SLC10A7: variants seen among roughly 807,000 people sequenced by gnomAD.
SLC10A7 encodes sodium/bile acid cotransporter 7.
In SLC10A7, 29 loss-of-function variants were observed where a neutral mutation model predicts 43.2. That is an observed-to-expected ratio of 0.67 (90% CI 0.50 to 0.92). The LOEUF (loss-of-function observed/expected upper bound fraction) is 0.92. SLC10A7 is among the 40% of genes least tolerant of loss of function. SLC10A7 has a pLI of 0.00. For missense variants in SLC10A7, 295 were observed against 403.2 expected, an observed-to-expected ratio of 0.73 and a Z score of 2.30; for synonymous variants, 152 against 144.8, an observed-to-expected ratio of 1.05 and a Z score of -0.35.
chr4:146,350,057 G>C (rs370725676), intron 5 of SLC10A7, among the ~76,000 whole-genome samples: 11 of 152,032 alleles, frequency 7.2e-5, no homozygotes, highest in African/African-American at 1.9e-4. Flanking sequence ...AACAGCTCCC[G>C]TCTACAGCTC....
chr4:146,478,057 T>G (rs1734177444), intron 4 of SLC10A7: 1 of 152,176 alleles, frequency 6.6e-6, no homozygotes, highest in African/African-American at 2.4e-5. Flanking sequence ...AAATTTAAGG[T>G]TATTCCAACA....
chr4:146,510,462 T>G (rs893725654), intron 2 of SLC10A7, among the ~76,000 whole-genome samples: 1 of 152,078 alleles, frequency 6.6e-6, no homozygotes, highest in African/African-American at 2.4e-5. Flanking sequence ...GATTTCACCA[T>G]GTTGGGCAGA....
intron 3 of SLC10A7, among the ~76,000 whole-genome samples, chr4:146,509,682 C>T (rs1737269106): frequency 6.6e-6 from 1 of 152,136 alleles, no homozygotes; most frequent in African/African-American, 2.4e-5. Flanking sequence ...CAGAAAAGTG[C>T]TCGTCGTAAA....
At chr4:146,519,130 A>T in intron 1 of SLC10A7, among the ~76,000 whole-genome samples, 1 of 127,820 alleles carries the variant, frequency 7.8e-6, no homozygotes, top group Non-Finnish European at 1.6e-5. Flanking sequence ...TATATAATTA[A>T]TATATATTAT....
intron 5 of SLC10A7, among the ~76,000 whole-genome samples, chr4:146,331,893 A>G (rs1341226249): frequency 6.6e-6 from 1 of 152,200 alleles, no homozygotes; most frequent in Admixed American, 6.5e-5. Context: ...AACAAATTAT[A>G]AAGAGGTGGT....
chr4:146,303,419 C>T (rs1343924653), intron 7 of SLC10A7, among the ~76,000 whole-genome samples: 1 of 150,046 alleles, frequency 6.7e-6, no homozygotes, highest in Non-Finnish European at 1.5e-5. Flanking sequence ...GCTCTGTTGC[C>T]CAGGCTGGAG....
At chr4:146,444,857 C>T (rs1730905788) in intron 4 of SLC10A7, among the ~76,000 whole-genome samples, 1 of 152,106 alleles carries the variant, frequency 6.6e-6, no homozygotes, top group Non-Finnish European at 1.5e-5. Flanking sequence ...GACACTGAAA[C>T]CAAGGATCTT....
chr4:146,296,007 A>G (rs2111200577), intron 7 of SLC10A7, among the ~76,000 whole-genome samples: 1 of 152,268 alleles, frequency 6.6e-6, no homozygotes, highest in Admixed American at 6.5e-5. Flanking sequence ...CCATTTTAAA[A>G]CCCAAGACAA....
chr4:146,257,223 C>G (rs1334003847), intron 11 of SLC10A7, among the ~76,000 whole-genome samples: 3 of 152,036 alleles, frequency 2.0e-5, no homozygotes, highest in Non-Finnish European at 4.4e-5. Flanking sequence ...AGGGGATAAA[C>G]AGTAAAAGAA....
At chr4:146,442,713 C>A in intron 5 of SLC10A7, 70 bp downstream of exon 5, 1 of 1,573,778 alleles carries the variant, frequency 6.4e-7, no homozygotes, top group Non-Finnish European at 8.6e-7. Flanking sequence ...ATCCAGCTTT[C>A]ACTAAATCTT....
chr4:146,358,235 G>A (rs1247918192), intron 5 of SLC10A7, among the ~76,000 whole-genome samples: 1 of 152,064 alleles, frequency 6.6e-6, no homozygotes, highest in African/African-American at 2.4e-5. Context: ...ACAAGAATGG[G>A]GAGGAGGTAG....
intron 5 of SLC10A7, among the ~76,000 whole-genome samples, chr4:146,422,736 C>A (rs1729047182): frequency 6.6e-6 from 1 of 152,038 alleles, no homozygotes; most frequent in African/African-American, 2.4e-5. Context: ...ATAAGATAAT[C>A]CTACTTAGAT....
intron 4 of SLC10A7, among the ~76,000 whole-genome samples, chr4:146,472,436 G>GTTT: frequency 7.8e-6 from 1 of 128,942 alleles, no homozygotes; most frequent in Admixed American, 7.9e-5. Flanking sequence ...GGCTTATTCT[G>GTTT]TTTTTTTTTT....
intron 4 of SLC10A7, among the ~76,000 whole-genome samples, chr4:146,497,300 G>A (rs953187020): frequency 1.3e-5 from 2 of 152,130 alleles, no homozygotes; most frequent in Admixed American, 6.5e-5. Context: ...TTCATGGTTC[G>A]AATTACCAGG....
intron 4 of SLC10A7, among the ~76,000 whole-genome samples, chr4:146,480,151 C>T (rs1734347751): frequency 6.6e-6 from 1 of 151,452 alleles, no homozygotes; most frequent in Admixed American, 6.6e-5. Context: ...TTTATAATAC[C>T]ACATTGTTGT....
At chr4:146,262,862 T>G (rs1387743342) in intron 10 of SLC10A7, among the ~76,000 whole-genome samples, 1 of 152,244 alleles carries the variant, frequency 6.6e-6, no homozygotes, top group Non-Finnish European at 1.5e-5. Context: ...AGTGCAAATC[T>G]GATCGTGTCA....
At chr4:146,437,437 A>G (rs1730295497) in intron 5 of SLC10A7, among the ~76,000 whole-genome samples, 1 of 152,130 alleles carries the variant, frequency 6.6e-6, no homozygotes. Context: ...AACAGCATCT[A>G]TAAGATGGTA....
intron 5 of SLC10A7, among the ~76,000 whole-genome samples, chr4:146,348,000 T>A (rs1287374710): frequency 6.6e-6 from 1 of 152,150 alleles, no homozygotes; most frequent in African/African-American, 2.4e-5. Context: ...GCATTGGATA[T>A]AGACACAAGA....
At position 146,503,915 on chromosome 4, in the gene SLC10A7, T is replaced by C. The variant is rs759995308; in HGVS notation, c.330A>G (p.Thr110=). 1.2e-6 allele frequency: 2 copies of C among 1,614,110 alleles called. No individual in the cohort carries two copies. Among genetic ancestry groups the C allele is most frequent in the Non-Finnish European group, 1.7e-6 (2 of 1,179,962 alleles). The change falls in exon 4 of 12, where the codon ACA becomes ACG. Residue 110 remains threonine (T), a synonymous_variant. Transcript: ENST00000335472. ...INEWLLKGLQ[T]VGCMPPPVSS... is the part of the protein sequence containing the mutation. ...ACACAGGCGGAGGCATGCAACCTACTGTCTGCAAACTGAAAAATAAAAGAA... is the reference window on the plus strand; with the variant it reads ...ACACAGGCGGAGGCATGCAACCTACCGTCTGCAAACTGAAAAATAAAAGAA...
Sources: gnomAD v4.1 joint callset for allele counts (sites outside exome capture counted in the v4.1 genomes callset) on GRCh38, gnomAD v4.1.1 for gene constraint, MANE v1.5 for transcripts, NCBI Gene and HGNC (gene_info 2026-07-23, HGNC 2026-07-21) for gene names.